The following SOX6 variants were observed in gnomAD, a reference collection of about 807,000 sequenced individuals.
SOX6 encodes the protein SRY-box transcription factor 6.
A neutral mutation model predicts 97.8 loss-of-function variants in SOX6; 11 were observed. The ratio of observed to expected loss-of-function variants is 0.11; its 90% CI spans 0.07 to 0.19. The LOEUF is 0.19. SOX6 is among the 10% of genes least tolerant of loss of function. The pLI, the probability that SOX6 is intolerant of heterozygous loss-of-function variation, is 1.00. For synonymous variants in SOX6, 360 were observed against 371.4 expected, an observed-to-expected ratio of 0.97 and a Z score of 0.35; for missense variants, 810 against 1,039.5, an observed-to-expected ratio of 0.78 and a Z score of 3.04.
At chr11:16,094,960 G>A (rs1848762844) in intron 9 of SOX6, among the ~76,000 whole-genome samples, 1 of 151,810 alleles carries the variant, frequency 6.6e-6, no homozygotes, top group South Asian at 2.1e-4. Context: ...CAAAAAGGTA[G>A]ATTCACAAGC....
chr11:16,150,938 G>A (rs1850443259), intron 6 of SOX6, among the ~76,000 whole-genome samples: 1 of 152,054 alleles, frequency 6.6e-6, no homozygotes, highest in Non-Finnish European at 1.5e-5. Flanking sequence ...AAATCAAAGG[G>A]CTAATGAGTT....
At chr11:16,092,647 A>G (rs528015365) in intron 9 of SOX6, among the ~76,000 whole-genome samples, 1 of 152,052 alleles carries the variant, frequency 6.6e-6, no homozygotes, top group East Asian at 1.9e-4. Context: ...GTATTTGCTA[A>G]AGAGAAGCAT....
intron 7 of SOX6, among the ~76,000 whole-genome samples, chr11:16,101,157 C>T (rs1848936401): frequency 6.6e-6 from 1 of 151,612 alleles, no homozygotes; most frequent in Admixed American, 6.6e-5. Flanking sequence ...CTGATGCAAA[C>T]TTGAACATAC....
intron 3 of SOX6, among the ~76,000 whole-genome samples, chr11:16,305,036 A>G (rs1855381726): frequency 6.6e-6 from 1 of 152,178 alleles, no homozygotes; most frequent in South Asian, 2.1e-4. Flanking sequence ...CTTGATGCCC[A>G]TACTTGATCC....
chr11:16,032,274 T>G (rs1276972767), intron 12 of SOX6, among the ~76,000 whole-genome samples: 1 of 152,096 alleles, frequency 6.6e-6, no homozygotes, highest in African/African-American at 2.4e-5. Context: ...GAACCTAGAG[T>G]TACCTGCATG....
rs10581083 is a variant in SOX6, at chr11:16,283,089, GTATATATATA to G, written c.445+35347_445+35356del. ...TATATATGTAAATTATATATAATTT[GTATATATATA>G]TATATATATATATATGACTCTGCTG... On this transcript the variant is annotated intron_variant, in intron 3 of 15. Coordinates refer to ENST00000683767, the MANE Select transcript of SOX6 (RefSeq NM_001367873.1). Among the ~76,000 whole-genome samples the G allele has an allele frequency of 2.1e-4, 24 of 113,696 alleles. 2 individuals carry two copies. The highest frequency in any genetic ancestry group is 2.6e-4 in the Non-Finnish European group (15 of 56,632). 74.6% of individuals were successfully genotyped at this position (113,696 alleles called of 152,430 possible).
chr11:16,405,246 A>C (rs1858660573), intron 1 of SOX6, among the ~76,000 whole-genome samples: 1 of 152,026 alleles, frequency 6.6e-6, no homozygotes, highest in Admixed American at 6.6e-5. Context: ...TAAAGCTGCA[A>C]ATTAAAATGT....
intron 2 of SOX6, among the ~76,000 whole-genome samples, chr11:16,718,416 T>C (rs973745452): frequency 2.0e-5 from 3 of 152,218 alleles, no homozygotes; most frequent in African/African-American, 7.2e-5. Flanking sequence ...ATTTCTAAAA[T>C]AATAACATGT....
chr11:16,472,899 T>C (rs1860164682), intron 1 of SOX6, among the ~76,000 whole-genome samples: 1 of 152,146 alleles, frequency 6.6e-6, no homozygotes, highest in African/African-American at 2.4e-5. Flanking sequence ...TTTGCTGTTA[T>C]CAAATGTAAA....
chr11:16,070,253 C>A (rs1193117586), intron 9 of SOX6, among the ~76,000 whole-genome samples: 1 of 152,064 alleles, frequency 6.6e-6, no homozygotes, highest in Non-Finnish European at 1.5e-5. Flanking sequence ...GTAGTTTGCT[C>A]CTCTAACATA....
At chr11:16,440,284 G>A (rs545409498) in intron 1 of SOX6, among the ~76,000 whole-genome samples, 8 of 152,236 alleles carry the variant, frequency 5.3e-5, no homozygotes, top group Admixed American at 2.0e-4. Flanking sequence ...AACATGTCAG[G>A]AAGAATTAAT....
intron 3 of SOX6, among the ~76,000 whole-genome samples, chr11:16,678,686 C>T (rs1219085009): frequency 2.6e-5 from 4 of 152,166 alleles, no homozygotes; most frequent in African/African-American, 9.7e-5. Flanking sequence ...CAGGGGATTT[C>T]CCTTTCCTAG....
Position 16,218,069 on chromosome 11 carries a change from T to C in SOX6, c.535+16513A>G, listed in dbSNP as rs943282495. On this transcript the variant is annotated intron_variant, in intron 4 of 15. Coordinates refer to ENST00000683767, the MANE Select transcript of SOX6 (RefSeq NM_001367873.1). ...CAATATATTCAGTACATATGATCTA[T>C]ATACATTTTATGGACCAAAATACAT... Among the ~76,000 whole-genome samples, 12 of 152,314 alleles carry C rather than the reference T, an allele frequency of 7.9e-5. No individual in the cohort carries two copies. In the East Asian group the frequency reaches 1.9e-3, roughly 24 times the overall value.
At chr11:16,604,059 T>C (rs1379130598) in intron 4 of SOX6, among the ~76,000 whole-genome samples, 2 of 152,224 alleles carry the variant, frequency 1.3e-5, no homozygotes, top group East Asian at 1.9e-4. Context: ...CCTTACCTTA[T>C]GAGGAAACGT....
chr11:16,276,663 A>G (rs985392905), intron 3 of SOX6, among the ~76,000 whole-genome samples: 32 of 152,248 alleles, frequency 2.1e-4, no homozygotes, highest in African/African-American at 7.5e-4. Context: ...GAGGATTTGC[A>G]GGAATGCAAT....
At chr11:15,992,306 A>G (rs1854079321) in intron 13 of SOX6, among the ~76,000 whole-genome samples, 1 of 152,226 alleles carries the variant, frequency 6.6e-6, no homozygotes, top group East Asian at 1.9e-4. Context: ...CCAACATTTG[A>G]AACTACTTTT....
intron 9 of SOX6, among the ~76,000 whole-genome samples, chr11:16,095,088 T>C (rs1848765312): frequency 6.6e-6 from 1 of 151,908 alleles, no homozygotes; most frequent in African/African-American, 2.4e-5. Flanking sequence ...TATTTTCATT[T>C]TTGGGTTGAG....
chr11:16,280,916 A>G (rs1338097587), intron 3 of SOX6, among the ~76,000 whole-genome samples: 2 of 152,128 alleles, frequency 1.3e-5, no homozygotes, highest in Non-Finnish European at 2.9e-5. Flanking sequence ...TATAAATACT[A>G]CATATTGATA....
chr11:16,217,215 T>G (rs1852399268), intron 4 of SOX6, among the ~76,000 whole-genome samples: 1 of 152,122 alleles, frequency 6.6e-6, no homozygotes. Context: ...CTAGAAAAAT[T>G]TCTAGCCCTA....
Sources: gnomAD v4.1 joint callset for allele counts (sites outside exome capture counted in the v4.1 genomes callset) on GRCh38, gnomAD v4.1.1 for gene constraint, MANE v1.5 for transcripts, NCBI Gene and HGNC (gene_info 2026-07-23, HGNC 2026-07-21) for gene names.